PXDNL: variants seen among roughly 807,000 people sequenced by gnomAD.
The protein encoded by PXDNL is peroxidasin like.
PXDNL carries 145 observed loss-of-function variants against 150.8 expected under a neutral mutation model. The ratio of observed to expected loss-of-function variants is 0.96; its 90% CI spans 0.84 to 1.10. PXDNL has a LOEUF of 1.10. Ranked by LOEUF, PXDNL falls within the 50% of genes least tolerant of loss-of-function variation. PXDNL has a pLI of 0.00. For missense variants in PXDNL, 2,087 were observed against 1,873.9 expected, an observed-to-expected ratio of 1.11 and a Z score of -2.10; for synonymous variants, 757 against 725.7, an observed-to-expected ratio of 1.04 and a Z score of -0.69.
intron 1 of PXDNL, among the ~76,000 whole-genome samples, chr8:51,770,956 C>T (rs2037287138): frequency 6.6e-6 from 1 of 152,152 alleles, no homozygotes; most frequent in African/African-American, 2.4e-5. Context: ...AGTGCTGTTC[C>T]CACCAGCCAT....
chr8:51,553,771 T>TATATATATATATATATATATATATAC (rs1236843720), intron 4 of PXDNL, among the ~76,000 whole-genome samples: 18 of 63,778 alleles, frequency 2.8e-4, no homozygotes, highest in African/African-American at 1.7e-3. Flanking sequence ...TATATATATA[T>TATATATATATATATATATATATATAC]ACACACACTG....
chr8:51,766,783 T>C (rs1231827771), intron 1 of PXDNL, among the ~76,000 whole-genome samples: 3 of 152,196 alleles, frequency 2.0e-5, no homozygotes, highest in African/African-American at 4.8e-5. Context: ...TTATGGTCTT[T>C]CTAGGGATGG....
intron 6 of PXDNL, among the ~76,000 whole-genome samples, chr8:51,475,752 T>C (rs935447461): frequency 6.6e-6 from 1 of 152,122 alleles, no homozygotes; most frequent in Non-Finnish European, 1.5e-5. Context: ...TAGTACCCAA[T>C]AGTTTTGCAA....
intron 5 of PXDNL, among the ~76,000 whole-genome samples, chr8:51,488,435 A>G (rs1401564231): frequency 6.6e-6 from 1 of 152,224 alleles, no homozygotes; most frequent in Non-Finnish European, 1.5e-5. Context: ...AATAATTAGT[A>G]GCCACCATCC....
At chr8:51,445,761 A>G (rs1809657924) in intron 12 of PXDNL, among the ~76,000 whole-genome samples, 1 of 152,206 alleles carries the variant, frequency 6.6e-6, no homozygotes, top group South Asian at 2.1e-4. Flanking sequence ...TAATGTAAAT[A>G]CCACCTAATT....
chr8:51,390,060 C>G (rs528594272), intron 17 of PXDNL, among the ~76,000 whole-genome samples: 10 of 151,864 alleles, frequency 6.6e-5, no homozygotes, highest in Non-Finnish European at 1.0e-4. Context: ...GCCATGCCCC[C>G]CCCACCAAAA....
chr8:51,429,123 C>G (rs1386567288), intron 12 of PXDNL, among the ~76,000 whole-genome samples: 1 of 152,140 alleles, frequency 6.6e-6, no homozygotes, highest in Non-Finnish European at 1.5e-5. Flanking sequence ...ATTAAAACCA[C>G]AATGTGATAT....
rs1563307060 is a variant in PXDNL at position 51,744,059 on chromosome 8, AAG to A, written c.164+65120_164+65121del. Among the ~76,000 whole-genome samples the A allele has an allele frequency of 8.3e-3, 589 of 71,064 alleles. 31 individuals are homozygous for A. The highest frequency in any genetic ancestry group is 0.011 in the Non-Finnish European group (360 of 31,674). The allele number at this position is 71,064 out of a possible 152,430, so 46.6% of individuals were successfully genotyped here. On this transcript the variant is annotated intron_variant, in intron 1 of 22. Transcript: ENST00000356297. ...GAAGGAAGGAAGGAAGGAAGGAAGG[AAG>A]GAAGGAAGGAAGGAAGGAAGGAAGG...
chr8:51,354,141 A>G (rs1806435123), intron 19 of PXDNL, among the ~76,000 whole-genome samples: 1 of 152,098 alleles, frequency 6.6e-6, no homozygotes, highest in African/African-American at 2.4e-5. Context: ...TATCCTGTTT[A>G]CCAAATATTT....
intron 1 of PXDNL, among the ~76,000 whole-genome samples, chr8:51,789,435 A>AG (rs1236292526): frequency 6.6e-6 from 1 of 152,194 alleles, no homozygotes; most frequent in Admixed American, 6.5e-5. Context: ...ATGAACAATG[A>AG]GGGGCACTCA....
At chr8:51,423,753 C>T in intron 13 of PXDNL, 22 bp from the exon 14 acceptor site, 2 of 1,598,520 alleles carry the variant, frequency 1.3e-6, no homozygotes, top group Non-Finnish European at 1.7e-6. Flanking sequence ...AAAAGAGTTG[C>T]CACTGAATGA....
chr8:51,409,638 G>A (rs770010176), intron 16 of PXDNL, 77 bp from the exon 17 acceptor site: 80 of 1,272,040 alleles, frequency 6.3e-5, no homozygotes, highest in Non-Finnish European at 8.2e-5. Flanking sequence ...CAGATGCTGC[G>A]GGAACCACCT....
intron 19 of PXDNL, among the ~76,000 whole-genome samples, chr8:51,348,852 C>G (rs1806246742): frequency 6.6e-6 from 1 of 152,066 alleles, no homozygotes; most frequent in Non-Finnish European, 1.5e-5. Context: ...GGGTTTAAAT[C>G]CGGACAGTCA....
intron 17 of PXDNL, among the ~76,000 whole-genome samples, chr8:51,405,637 A>G (rs919203723): frequency 2.6e-5 from 4 of 152,240 alleles, no homozygotes; most frequent in African/African-American, 9.6e-5. Context: ...AGAAATTGCA[A>G]TCTACATATT....
At chr8:51,496,295 T>A (rs945738784) in intron 5 of PXDNL, among the ~76,000 whole-genome samples, 3 of 152,176 alleles carry the variant, frequency 2.0e-5, no homozygotes, top group Non-Finnish European at 4.4e-5. Flanking sequence ...TAATAAGAAC[T>A]ATCTATGACA....
At chr8:51,485,150 G>A (rs541809118) in intron 5 of PXDNL, among the ~76,000 whole-genome samples, 1 of 152,216 alleles carries the variant, frequency 6.6e-6, no homozygotes, top group East Asian at 1.9e-4. Context: ...TATTTTAACT[G>A]TATTAAGTGT....
In PXDNL at chr8:51,743,961, AAGAGAG is replaced by A. The variant is rs61485858; in HGVS notation, c.164+65214_164+65219del. On this transcript the variant is annotated intron_variant, in intron 1 of 22. Coordinates refer to ENST00000356297, the MANE Select transcript of PXDNL (RefSeq NM_144651.5). ...GAAGGAGAGAAAGAGAGAAAGAAAA[AAGAGAG>A]AGAAAAAAGAAAGGAAGGAAGGTGA... Among the ~76,000 whole-genome samples the A allele has an allele frequency of 2.6e-3, 253 of 96,460 alleles. 10 individuals are homozygous for A. Among genetic ancestry groups the A allele is most frequent in the African/African-American group, 9.2e-3 (239 of 25,912 alleles). 63.3% of individuals were successfully genotyped at this position (96,460 alleles called of 152,430 possible). A position where few individuals can be genotyped will look rare whatever the true frequency, so the allele number is the denominator to read the frequency against.
At chr8:51,578,268 G>T (rs1813133771) in intron 3 of PXDNL, among the ~76,000 whole-genome samples, 1 of 151,920 alleles carries the variant, frequency 6.6e-6, no homozygotes, top group East Asian at 1.9e-4. Flanking sequence ...AATTTAAAAA[G>T]TGAGATCAGC....
chr8:51,352,371 T>C (rs1563369940), intron 19 of PXDNL, among the ~76,000 whole-genome samples: 1 of 152,104 alleles, frequency 6.6e-6, no homozygotes, highest in Non-Finnish European at 1.5e-5. Flanking sequence ...AAAAATGTGG[T>C]ATATATACAC....
Sources: allele counts gnomAD v4.1 joint callset (sites outside exome capture counted in the v4.1 genomes callset), GRCh38; gene constraint gnomAD v4.1.1; transcripts MANE v1.5; gene names NCBI Gene and HGNC (gene_info 2026-07-23, HGNC 2026-07-21).